Variants in PTPRT observed in about 807,000 individuals in gnomAD.
The protein encoded by PTPRT is receptor-type tyrosine-protein phosphatase T.
A neutral mutation model predicts 176.8 loss-of-function variants in PTPRT; 56 were observed. The ratio of observed to expected loss-of-function variants is 0.32; its 90% CI spans 0.26 to 0.40. PTPRT has a LOEUF of 0.40. Ranked by LOEUF, PTPRT falls within the 10% of genes least tolerant of loss-of-function variation. PTPRT has a pLI of 1.00. For synonymous variants in PTPRT, 783 were observed against 739.0 expected (o/e 1.06, Z -0.96); for missense variants, 1,540 against 1,908.2 (o/e 0.81, Z 3.60).
At chr20:42,280,492 A>G (rs1393049777) in intron 13 of PTPRT, among the ~76,000 whole-genome samples, 1 of 152,156 alleles carries the variant, frequency 6.6e-6, no homozygotes, top group Non-Finnish European at 1.5e-5. Context: ...TGATTTCCCA[A>G]TACCCTGACC....
At chr20:42,131,924 C>G (rs2206167) in intron 18 of PTPRT, among the ~76,000 whole-genome samples, 40,988 of 151,924 alleles carry the variant, frequency 0.27, 5,543 homozygotes, top group East Asian at 0.28. Context: ...AAGCAAGCAC[C>G]GTGGGGGAGC....
At chr20:42,094,844 T>C (rs1985032358) in intron 27 of PTPRT, among the ~76,000 whole-genome samples, 1 of 152,132 alleles carries the variant, frequency 6.6e-6, no homozygotes, top group Non-Finnish European at 1.5e-5. Context: ...ATCGCGCCAC[T>C]GCACTCCAGC....
chr20:42,705,403 G>A (rs933916873), intron 6 of PTPRT, among the ~76,000 whole-genome samples: 1 of 150,652 alleles, frequency 6.6e-6, no homozygotes. Context: ...AATTTTTGCA[G>A]GCAGCATTCA....
At chr20:42,930,955 C>CA (rs1175754670) in intron 1 of PTPRT, among the ~76,000 whole-genome samples, 22 of 151,606 alleles carry the variant, frequency 1.5e-4, no homozygotes, top group African/African-American at 3.4e-4. Context: ...CAAACAACAA[C>CA]AACAAAAAAC....
intron 15 of PTPRT, among the ~76,000 whole-genome samples, chr20:42,213,724 A>C (rs903865369): frequency 6.6e-6 from 1 of 152,152 alleles, no homozygotes; most frequent in Non-Finnish European, 1.5e-5. Context: ...GCCATAAGCC[A>C]AGGAGCACGG....
At chr20:42,706,728 A>G (rs1363760602) in intron 6 of PTPRT, among the ~76,000 whole-genome samples, 1 of 152,232 alleles carries the variant, frequency 6.6e-6, no homozygotes, top group Admixed American at 6.5e-5. Context: ...ATTATGTGCC[A>G]TACAGAATCT....
At chr20:42,396,204 G>A (rs1265733798) in intron 9 of PTPRT, among the ~76,000 whole-genome samples, 1 of 152,100 alleles carries the variant, frequency 6.6e-6, no homozygotes, top group African/African-American at 2.4e-5. Context: ...CATTTGCTCA[G>A]TCTAAAATAC....
At chr20:43,182,287 G>T (rs866621287) in intron 1 of PTPRT, among the ~76,000 whole-genome samples, 7 of 152,264 alleles carry the variant, frequency 4.6e-5, no homozygotes, top group Middle Eastern at 3.4e-3. Context: ...GGAAGCAGGA[G>T]CTGGAACATA....
rs561355959 is a variant in PTPRT, at chr20:42,903,996, G to T, written c.89-18064C>A. ...CACTCTCCTAGCAATTACAGGAAGT[G>T]GTCTTTGATGAATTTCAAAGAGAGA... On this transcript the variant is annotated intron_variant, in intron 1 of 30. Transcript: ENST00000373187. Among the ~76,000 whole-genome samples the T allele has an allele frequency of 1.1e-4, 16 of 152,286 alleles. No individual in the cohort carries two copies. In the East Asian group the frequency reaches 2.9e-3, roughly 28 times the overall value.
At chr20:42,493,791 T>C (rs1203432064) in intron 7 of PTPRT, among the ~76,000 whole-genome samples, 2 of 152,140 alleles carry the variant, frequency 1.3e-5, no homozygotes, top group African/African-American at 4.8e-5. Context: ...TCTTATTTGA[T>C]TGAAATGTTC....
intron 21 of PTPRT, 151 bp from the exon 22 acceptor site, chr20:42,115,466 G>A (rs1987229566): frequency 1.6e-6 from 1 of 642,700 alleles, no homozygotes; most frequent in African/African-American, 1.8e-5. Context: ...AGGGTTCACA[G>A]CTGGCCAGGG....
intron 6 of PTPRT, among the ~76,000 whole-genome samples, chr20:42,743,078 A>G (rs576733225): frequency 5.9e-5 from 9 of 152,200 alleles, no homozygotes; most frequent in African/African-American, 1.7e-4. Flanking sequence ...CCGCTGATTA[A>G]CTCAAAGAGG....
chr20:42,088,325 G>A (rs895168892), intron 27 of PTPRT, among the ~76,000 whole-genome samples: 9 of 152,202 alleles, frequency 5.9e-5, no homozygotes, highest in Admixed American at 2.0e-4. Flanking sequence ...GGGCTAGATG[G>A]ACAGAAGTGA....
intron 1 of PTPRT, among the ~76,000 whole-genome samples, chr20:42,992,516 C>T (rs549014058): frequency 6.6e-6 from 1 of 152,076 alleles, no homozygotes; most frequent in Admixed American, 6.6e-5. Flanking sequence ...GGGTGAGGAG[C>T]AGAAAAAGGA....
intron 22 of PTPRT, among the ~76,000 whole-genome samples, chr20:42,111,105 G>A (rs778674185): frequency 6.6e-6 from 1 of 152,096 alleles, no homozygotes; most frequent in East Asian, 1.9e-4. Flanking sequence ...AGCTCTGAGC[G>A]GTTCCCCTCC....
chr20:42,212,046 A>G (rs1279781156), intron 15 of PTPRT, among the ~76,000 whole-genome samples: 1 of 121,382 alleles, frequency 8.2e-6, no homozygotes, highest in Non-Finnish European at 1.8e-5. Context: ...CTATCACAAG[A>G]AAAAAAAACC....
At chr20:42,994,191 C>T (rs934436761) in intron 1 of PTPRT, among the ~76,000 whole-genome samples, 9 of 152,180 alleles carry the variant, frequency 5.9e-5, no homozygotes, top group African/African-American at 1.9e-4. Flanking sequence ...GCAGTTCTAT[C>T]GAGACCATGT....
chr20:42,222,649 G>C (rs540783888), intron 15 of PTPRT, among the ~76,000 whole-genome samples: 5 of 152,216 alleles, frequency 3.3e-5, no homozygotes, highest in Non-Finnish European at 7.3e-5. Context: ...AGCTGAACGC[G>C]TGGAGGTTCC....
chr20:42,680,479 C>A (rs959293643), intron 6 of PTPRT, among the ~76,000 whole-genome samples: 1 of 152,152 alleles, frequency 6.6e-6, no homozygotes, highest in Admixed American at 6.5e-5. Flanking sequence ...ATCCTTTGTG[C>A]ATGTTAAATA....
Sources: allele counts gnomAD v4.1 joint callset (sites outside exome capture counted in the v4.1 genomes callset), GRCh38; gene constraint gnomAD v4.1.1; transcripts MANE v1.5; gene names NCBI Gene and HGNC (gene_info 2026-07-23, HGNC 2026-07-21).